F8: variants seen among roughly 807,000 people sequenced by gnomAD.
F8 encodes antihemophilic factor.
Under a neutral mutation model 140.6 loss-of-function variants are expected in F8, and 12 were observed. That is an observed-to-expected ratio of 0.09 (90% CI 0.05 to 0.14). The LOEUF (loss-of-function observed/expected upper bound fraction) is 0.14. Ranked by LOEUF, F8 falls within the 10% of genes least tolerant of loss-of-function variation. The pLI is 1.00. For missense variants in F8, 1,354 were observed against 1,720.7 expected (o/e 0.79, Z 3.77); for synonymous variants, 585 against 614.6 (o/e 0.95, Z 0.71).
chrX:154,928,988 G>A lies in F8; in HGVS notation c.4802C>T (p.Ser1601Phe). Residue 1601 changes from serine (S) to phenylalanine (F), a missense_variant, in exon 14 of 26, where the codon TCC becomes TTC. Physicochemically the swap from Ser to Phe is radical, Grantham distance 155. Coordinates refer to ENST00000360256, the MANE Select transcript of F8 (RefSeq NM_000132.4). Reference sequence around the variant, plus strand: ...TGTTTTTTCTGGTGACTTCTCTTGGGATTTCCACTCTTCTTTTGGTATCTG... The same window carrying A: ...TGTTTTTTCTGGTGACTTCTCTTGGAATTTCCACTCTTCTTTTGGTATCTG... ...GTQIPKEEWK[S>F]QEKSPEKTAF... 1 of 1,211,590 alleles carries A rather than the reference G, an allele frequency of 8.3e-7. No individual in the cohort carries two copies. Among genetic ancestry groups the A allele is most frequent in the Admixed American group, 2.2e-5 (1 of 46,027 alleles).
chrX:155,003,760 C>T (rs2073660682), intron 1 of F8, among the ~76,000 whole-genome samples: 1 of 109,987 alleles, frequency 9.1e-6, no homozygotes, highest in Admixed American at 9.7e-5. Flanking sequence ...AGATCGAGAC[C>T]ATCCTGGCTA....
In F8 at chrX:154,904,824, G is replaced by C; in HGVS notation, c.5573C>G (p.Ser1858Cys). 8.3e-7 allele frequency: 1 copy of C among 1,210,881 alleles called. No individual in the cohort carries two copies. Residue 1858 changes from serine (S) to cysteine (C), a missense_variant, in exon 16 of 26, where the codon TCT becomes TGT. By Grantham distance (112) the Ser-to-Cys change is moderately radical. This residue lies in a region of F8 where 316 missense variants were observed against 485.4 expected (regional missense o/e 0.65). Coordinates refer to ENST00000360256, the MANE Select transcript of F8 (RefSeq NM_000132.4). ...EFDCKAWAYF[S>C]DVDLEKDVHS... The stretch of plus-strand genomic sequence containing the variant: ...ACACCTGCTTACCAGGTCAACATCA[G>C]AGAAATAAGCCCAGGCTTTGCAGTC...
chrX:154,873,675 C>A (rs2072791914), intron 22 of F8, among the ~76,000 whole-genome samples: 1 of 111,920 alleles, frequency 8.9e-6, no homozygotes, highest in South Asian at 3.7e-4. Flanking sequence ...TAGAAAAGCC[C>A]AGAAATAAGT....
intron 14 of F8, among the ~76,000 whole-genome samples, chrX:154,927,534 G>A (rs1438344989): frequency 8.9e-6 from 1 of 112,240 alleles, no homozygotes; most frequent in Non-Finnish European, 1.9e-5. Context: ...AGTCTGTGGA[G>A]GTTCATTGCA....
chrX:154,914,785 A>C (rs782316433), intron 14 of F8, among the ~76,000 whole-genome samples: 5 of 111,695 alleles, frequency 4.5e-5, no homozygotes, highest in African/African-American at 1.6e-4. Context: ...GGTCTCTAGG[A>C]AGTTCCAAAC....
intron 14 of F8, among the ~76,000 whole-genome samples, chrX:154,924,904 C>T (rs782615839): frequency 6.4e-4 from 72 of 111,976 alleles, no homozygotes; most frequent in African/African-American, 2.2e-3. Flanking sequence ...CACAAGGCAC[C>T]GACTCCCTAG....
chrX:154,864,410 G>T (rs2072717128), intron 22 of F8, among the ~76,000 whole-genome samples: 1 of 112,407 alleles, frequency 8.9e-6, no homozygotes, highest in African/African-American at 3.2e-5. Flanking sequence ...TAGGCTATGT[G>T]GATCATGAAG....
intron 15 of F8, among the ~76,000 whole-genome samples, chrX:154,905,860 C>T (rs916837550): frequency 1.8e-5 from 2 of 111,452 alleles, no homozygotes; most frequent in Non-Finnish European, 3.8e-5. Flanking sequence ...AAGTACCTCT[C>T]ATTAAAATGT....
chrX:154,930,352 C>T lies in F8; in HGVS notation c.3438G>A (p.Lys1146=), dbSNP rs145194290. The T allele has an allele frequency of 2.3e-5, 28 of 1,209,211 alleles. No individual in the cohort carries two copies. Among genetic ancestry groups the T allele is most frequent in the Non-Finnish European group, 2.9e-5 (26 of 894,717 alleles). ...SLNSGQGPSP[K]QLVSLGPEKS... is the part of the protein sequence containing the mutation. The stretch of plus-strand genomic sequence containing the variant: ...TTTCTGGTCCTAAGGATACTAATTG[C>T]TTTGGACTGGGGCCTTGCCCAGAGT... The change falls in exon 14 of 26, where the codon AAG becomes AAA. Residue 1146 remains lysine, a synonymous_variant. Transcript: ENST00000360256.
intron 13 of F8, among the ~76,000 whole-genome samples, chrX:154,943,266 A>G (rs2073280853): frequency 9.0e-6 from 1 of 111,449 alleles, no homozygotes; most frequent in Non-Finnish European, 1.9e-5. Context: ...TATCTAGAAA[A>G]CCCCATTGTC....
intron 14 of F8, chrX:154,918,839 T>G (rs2073114160): frequency 1.0e-5 from 1 of 98,779 alleles, no homozygotes; most frequent in Non-Finnish European, 2.0e-5. Context: ...GGGGCATCAA[T>G]GATGGTCACA....
At chrX:155,013,145 C>CAAA (rs34940593) in intron 1 of F8, among the ~76,000 whole-genome samples, 972 of 33,895 alleles carry the variant, frequency 0.029, 88 homozygotes, top group African/African-American at 0.11. Flanking sequence ...GACTCCGTCT[C>CAAA]AAAAAAAAAA....
intron 14 of F8, chrX:154,918,719 G>T (rs1453448233): frequency 1.9e-5 from 2 of 103,917 alleles, no homozygotes; most frequent in Non-Finnish European, 3.9e-5. Flanking sequence ...GTTGTTTTTG[G>T]TTTTTCTGGA....
chrX:154,876,666 T>C (rs1289407708), intron 22 of F8, among the ~76,000 whole-genome samples: 4 of 111,689 alleles, frequency 3.6e-5, no homozygotes, highest in African/African-American at 6.5e-5. Flanking sequence ...AGGAGAAAAT[T>C]TGACCTTCTA....
At chrX:154,908,775 C>T in intron 14 of F8, 1 of 112,132 alleles carries the variant, frequency 8.9e-6, no homozygotes, top group East Asian at 2.8e-4. Flanking sequence ...TTAACTTTCC[C>T]CCTGGTCAGG....
chrX:154,989,918 G>A (rs896821252), intron 4 of F8, among the ~76,000 whole-genome samples: 25 of 112,026 alleles, frequency 2.2e-4, no homozygotes, highest in African/African-American at 7.8e-4. Context: ...ACTGTTTATT[G>A]AAGACACTAT....
chrX:154,935,499 G>A (rs2073219142), intron 13 of F8, among the ~76,000 whole-genome samples: 1 of 111,442 alleles, frequency 9.0e-6, no homozygotes, highest in Non-Finnish European at 1.9e-5. Context: ...TAAAAAAGAG[G>A]TTAGACCTCT....
At chrX:154,916,154 C>T (rs782499555) in intron 14 of F8, among the ~76,000 whole-genome samples, 52 of 111,907 alleles carry the variant, frequency 4.6e-4, no homozygotes, top group Non-Finnish European at 7.9e-4. Context: ...TAGGATGAAT[C>T]CCCCTTGGGC....
Position 154,929,186 on chromosome X carries a change from C to T in F8, c.4604G>A (p.Gly1535Asp), listed in dbSNP as rs2073177563. Residue 1535 changes from glycine (G) to aspartate (D), a missense_variant, in exon 14 of 26, where the codon GGC (glycine) becomes GAC (aspartate). Physicochemically the swap from Gly to Asp is moderately conservative, Grantham distance 94. This residue lies in a region of F8 where 658 missense variants were observed against 666.5 expected (regional missense o/e 0.99). Coordinates refer to ENST00000360256, the MANE Select transcript of F8 (RefSeq NM_000132.4). Reference protein sequence around the residue: ...FPTETSNGSPGHLDLVEGSLL... With the variant: ...FPTETSNGSPDHLDLVEGSLL... ...GCTCCCTTCCACGAGATCCAGATGG[C>T]CAGGAGACCCATTGCTAGTTTCCGT... 7.4e-6 allele frequency: 9 copies of T among 1,211,546 alleles called. No homozygotes were observed. Among genetic ancestry groups the T allele is most frequent in the Non-Finnish European group, 1.0e-5 (9 of 895,322 alleles).
Sources: allele counts gnomAD v4.1 joint callset (sites outside exome capture counted in the v4.1 genomes callset), GRCh38; gene constraint gnomAD v4.1.1; regional missense constraint gnomAD v4.1.1; transcripts MANE v1.5; gene names NCBI Gene and HGNC (gene_info 2026-07-23, HGNC 2026-07-21).